Variants in MAGI3 observed in about 807,000 individuals in gnomAD.
MAGI3 encodes membrane associated guanylate kinase, WW and PDZ domain containing 3, also known as membrane-associated guanylate kinase, WW and PDZ domain-containing protein 3.
A neutral mutation model predicts 121.8 loss-of-function variants in MAGI3; 43 were observed. That is an observed-to-expected ratio of 0.35 (90% confidence interval 0.28 to 0.46). MAGI3 has a LOEUF of 0.46. MAGI3 is among the 20% of genes least tolerant of loss of function. The probability of loss-of-function intolerance (pLI) is 1.00; values close to 1 mark genes in which losing one functional copy is unlikely to be tolerated. For missense variants in MAGI3, 1,547 were observed against 1,797.3 expected, an observed-to-expected ratio of 0.86 and a Z score of 2.52; for synonymous variants, 553 against 639.3, an observed-to-expected ratio of 0.86 and a Z score of 2.04.
intron 1 of MAGI3, among the ~76,000 whole-genome samples, chr1:113,435,290 A>G (rs75699940): frequency 0.023 from 3,547 of 152,226 alleles, 132 homozygotes; most frequent in African/African-American, 0.081. Context: ...AATTTCACCA[A>G]AGATGATTAT....
chr1:113,489,067 C>T (rs1656544586), intron 1 of MAGI3, among the ~76,000 whole-genome samples: 1 of 152,166 alleles, frequency 6.6e-6, no homozygotes, highest in African/African-American at 2.4e-5. Context: ...CTGCTGCTGG[C>T]ACATGCAAAT....
intron 20 of MAGI3, among the ~76,000 whole-genome samples, chr1:113,682,029 C>T (rs1186718520): frequency 2.6e-5 from 4 of 152,046 alleles, no homozygotes; most frequent in African/African-American, 4.8e-5. Context: ...CCCACCCCAC[C>T]GCTTTTGAGG....
intron 1 of MAGI3, among the ~76,000 whole-genome samples, chr1:113,478,133 C>G (rs2101556413): frequency 6.6e-6 from 1 of 152,246 alleles, no homozygotes; most frequent in South Asian, 2.1e-4. Context: ...TTCATCTAAT[C>G]TTTTTTCAAG....
chr1:113,437,077 G>C (rs1271101502), intron 1 of MAGI3, among the ~76,000 whole-genome samples: 8 of 151,994 alleles, frequency 5.3e-5, no homozygotes, highest in Admixed American at 5.2e-4. Context: ...GCCTCCCAAA[G>C]TGCTGGGATT....
Position 113,607,860 on chromosome 1 carries a change from C to T in MAGI3, c.1019-6741C>T, listed in dbSNP as rs1412837482. On this transcript the variant is annotated intron_variant, in intron 6 of 20. Coordinates refer to ENST00000307546, the MANE Select transcript of MAGI3 (RefSeq NM_001142782.2). ...TATTAAAGATTTTTTATAATTGAAT[C>T]ATATTCTATATTTATTTTTCAAAGT... is the stretch of plus-strand genomic sequence containing the variant. 2.0e-5 allele frequency among the ~76,000 whole-genome samples: 3 copies of T among 152,132 alleles called. No homozygotes were observed. The East Asian group carries it at 5.8e-4, about 29-fold the overall frequency.
At chr1:113,449,161 A>G (rs1299924283) in intron 1 of MAGI3, among the ~76,000 whole-genome samples, 1 of 152,162 alleles carries the variant, frequency 6.6e-6, no homozygotes, top group African/African-American at 2.4e-5. Context: ...GGGGGCAATA[A>G]TGTGATATGC....
chr1:113,514,108 T>G (rs1657762205), intron 1 of MAGI3, among the ~76,000 whole-genome samples: 1 of 152,068 alleles, frequency 6.6e-6, no homozygotes, highest in Non-Finnish European at 1.5e-5. Flanking sequence ...TGGCGATCAT[T>G]AAAAAGTCAG....
Position 113,582,791 on chromosome 1 carries a change from A to G in MAGI3, c.553+2130A>G, listed in dbSNP as rs184347165. Among the ~76,000 whole-genome samples, 37 of 151,908 alleles carry G rather than the reference A, an allele frequency of 2.4e-4. No individual in the cohort carries two copies. The East Asian group carries it at 7.0e-3, about 29-fold the overall frequency. ...CATATATGTATATATCCTTAAAGAG[A>G]AAAAAAGGGAGATTTGAAAGCAATC... On this transcript the variant is annotated intron_variant, in intron 3 of 20. Transcript: ENST00000307546.
intron 1 of MAGI3, among the ~76,000 whole-genome samples, chr1:113,494,676 A>C (rs537733766): frequency 2.0e-5 from 3 of 152,328 alleles, no homozygotes; most frequent in South Asian, 2.1e-4. Flanking sequence ...GGTAGCATTC[A>C]TAAGTGTTGT....
In MAGI3 at chr1:113,684,083, C is replaced by T; in HGVS notation, c.*69C>T. 7 of 1,114,602 alleles carry T rather than the reference C, an allele frequency of 6.3e-6. No individual in the cohort carries two copies. Among genetic ancestry groups the T allele is most frequent in the East Asian group, 3.1e-5 (1 of 31,850 alleles). 69.0% of individuals were successfully genotyped at this position (1,114,602 alleles called of 1,614,324 possible). A position where few individuals can be genotyped will look rare whatever the true frequency, so the allele number is the denominator to read the frequency against. ...ACAGCAGCATTTTTCCAGAAAAAGCCTTTTTTTTTTTTTCAGATATTCTGA... is the reference window on the plus strand; with the variant it reads ...ACAGCAGCATTTTTCCAGAAAAAGCTTTTTTTTTTTTTTCAGATATTCTGA... On this transcript the variant is annotated 3_prime_UTR_variant, in exon 21 of 21. Transcript: ENST00000307546.
intron 2 of MAGI3, among the ~76,000 whole-genome samples, chr1:113,559,428 A>T (rs887743142): frequency 6.6e-6 from 1 of 152,242 alleles, no homozygotes; most frequent in African/African-American, 2.4e-5. Context: ...CAGACTTTAA[A>T]ATAGACTTTA....
At chr1:113,433,297 A>G (rs929989321) in intron 1 of MAGI3, among the ~76,000 whole-genome samples, 9 of 152,146 alleles carry the variant, frequency 5.9e-5, no homozygotes, top group African/African-American at 1.9e-4. Context: ...AGAGGCAACT[A>G]TGATCAGATC....
chr1:113,633,504 G>T (rs71662837), intron 9 of MAGI3, among the ~76,000 whole-genome samples: 1 of 151,142 alleles, frequency 6.6e-6, no homozygotes, highest in African/African-American at 2.4e-5. Flanking sequence ...CTCGTGATCC[G>T]CCCGCCTCGG....
intron 1 of MAGI3, among the ~76,000 whole-genome samples, chr1:113,515,719 C>T (rs1010400868): frequency 2.0e-5 from 3 of 152,030 alleles, no homozygotes; most frequent in African/African-American, 7.2e-5. Flanking sequence ...TGTGCTTAGT[C>T]ACTATTATAA....
rs1002605164 is a variant in MAGI3, at chr1:113,556,300, C to G, written c.433+6669C>G. ...CTTTGAGATCAATAAAAGTGATAAACCTCTAGCTAGACTGCTTAGGAAGAA... is the reference window on the plus strand; with the variant it reads ...CTTTGAGATCAATAAAAGTGATAAAGCTCTAGCTAGACTGCTTAGGAAGAA... On this transcript the variant is annotated intron_variant, in intron 2 of 20. Transcript: ENST00000307546. Among the ~76,000 whole-genome samples, 4 of 152,160 alleles carry G rather than the reference C, an allele frequency of 2.6e-5. No individual in the cohort carries two copies. The South Asian group carries it at 8.3e-4, about 32-fold the overall frequency.
chr1:113,614,530 A>T, intron 6 of MAGI3, 71 bp from the exon 7 acceptor site: 1 of 1,128,296 alleles, frequency 8.9e-7, no homozygotes, highest in East Asian at 2.4e-5. Context: ...GAAATAATAA[A>T]TTCACTCACT....
Position 113,422,361 on chromosome 1 carries a change from C to T in MAGI3, c.316+31012C>T, listed in dbSNP as rs191948070. Among the ~76,000 whole-genome samples the T allele has an allele frequency of 3.9e-5, 6 of 152,392 alleles. No individual in the cohort carries two copies. Among genetic ancestry groups the T allele is most frequent in the Non-Finnish European group, 8.8e-5 (6 of 68,042 alleles). On this transcript the variant is annotated intron_variant, in intron 1 of 20. Coordinates refer to ENST00000307546, the MANE Select transcript of MAGI3 (RefSeq NM_001142782.2). The surrounding 1 kb of genome is among the most constrained non-coding windows in gnomAD (Gnocchi z 4.3). ...GTGTTGCTTCACTAGCCGGAAACTT[C>T]TGTGCCGGTGGCACCTCTACTTGAG...
chr1:113,643,142 A>G (rs1652644374), intron 10 of MAGI3, among the ~76,000 whole-genome samples: 1 of 152,252 alleles, frequency 6.6e-6, no homozygotes, highest in South Asian at 2.1e-4. Flanking sequence ...ACATTTACAA[A>G]TTCAGTTCCA....
At chr1:113,619,092 A>G (rs1489471898) in intron 7 of MAGI3, among the ~76,000 whole-genome samples, 2 of 152,324 alleles carry the variant, frequency 1.3e-5, no homozygotes, top group South Asian at 2.1e-4. Flanking sequence ...AGAGAGTTGT[A>G]TGCATTCCAA....
Sources: allele counts gnomAD v4.1 joint callset (sites outside exome capture counted in the v4.1 genomes callset), GRCh38; gene constraint gnomAD v4.1.1; non-coding constraint Gnocchi (gnomAD v3.1); transcripts MANE v1.5; gene names NCBI Gene and HGNC (gene_info 2026-07-23, HGNC 2026-07-21).